The following DGKB variants were observed in gnomAD, a reference collection of about 807,000 sequenced individuals.
The protein encoded by DGKB is 90 kDa diacylglycerol kinase.
DGKB carries 67 observed loss-of-function variants against 114.3 expected under a neutral mutation model. The observed-to-expected ratio is 0.59, with a 90% CI of 0.48 to 0.72. DGKB has a LOEUF of 0.72. Ranked by LOEUF, DGKB falls within the 30% of genes least tolerant of loss-of-function variation. DGKB has a pLI of 0.00. For synonymous variants in DGKB, 398 were observed against 323.1 expected, an observed-to-expected ratio of 1.23 and a Z score of -2.49; for missense variants, 907 against 975.2, an observed-to-expected ratio of 0.93 and a Z score of 0.93.
At chr7:14,870,345 T>C (rs1374683608) in intron 1 of DGKB, among the ~76,000 whole-genome samples, 1 of 152,216 alleles carries the variant, frequency 6.6e-6, no homozygotes, top group Non-Finnish European at 1.5e-5. Flanking sequence ...AGTAAACACA[T>C]AATTAATGAG....
upstream of DGKB, among the ~76,000 whole-genome samples, chr7:14,905,646 A>C (rs143502695): frequency 3.3e-5 from 5 of 152,296 alleles, no homozygotes; most frequent in African/African-American, 1.2e-4. Flanking sequence ...TTCATCATCA[A>C]AACAAGTATT....
At chr7:14,926,584 AT>A (rs761090244) in intron 1 of DGKB, among the ~76,000 whole-genome samples, 36 of 149,318 alleles carry the variant, frequency 2.4e-4, no homozygotes, top group African/African-American at 8.1e-4. Flanking sequence ...ATATTTCAAG[AT>A]TTTTTTTATG....
chr7:14,925,706 T>C (rs139865921), intron 1 of DGKB, among the ~76,000 whole-genome samples: 5 of 152,296 alleles, frequency 3.3e-5, no homozygotes, highest in Admixed American at 6.5e-5. Flanking sequence ...TGTTCATAAT[T>C]AGTATATACA....
chr7:14,860,928 TAAAGA>T (rs1850888351), intron 1 of DGKB, among the ~76,000 whole-genome samples: 1 of 151,984 alleles, frequency 6.6e-6, no homozygotes, highest in African/African-American at 2.4e-5. Flanking sequence ...TTCTGAGAAT[TAAAGA>T]AGACACAATG....
intron 4 of DGKB, among the ~76,000 whole-genome samples, chr7:14,746,227 G>C (rs766225772): frequency 2.0e-5 from 3 of 152,070 alleles, no homozygotes; most frequent in African/African-American, 7.2e-5. Context: ...ACAGCTACTT[G>C]GGTGGTTGAG....
intron 23 of DGKB, among the ~76,000 whole-genome samples, chr7:14,194,530 T>C (rs1163165757): frequency 6.6e-6 from 1 of 152,074 alleles, no homozygotes; most frequent in Non-Finnish European, 1.5e-5. Flanking sequence ...AAGATAAGAA[T>C]CTGGTACATA....
intron 23 of DGKB, among the ~76,000 whole-genome samples, chr7:14,210,108 G>T (rs1787515993): frequency 6.6e-6 from 1 of 152,046 alleles, no homozygotes; most frequent in African/African-American, 2.4e-5. Context: ...CACCTCCAGT[G>T]CCAGGTGCAA....
intron 21 of DGKB, among the ~76,000 whole-genome samples, chr7:14,461,068 A>G (rs1045133042): frequency 6.6e-6 from 1 of 152,192 alleles, no homozygotes; most frequent in Non-Finnish European, 1.5e-5. Flanking sequence ...CAAAGACACA[A>G]TGTACCAGAA....
intron 21 of DGKB, among the ~76,000 whole-genome samples, chr7:14,384,606 T>C (rs574235279): frequency 2.0e-5 from 3 of 152,334 alleles, no homozygotes; most frequent in African/African-American, 7.2e-5. Flanking sequence ...AGTTGCTTAA[T>C]AGTTACTTAA....
intron 25 of DGKB, among the ~76,000 whole-genome samples, chr7:14,161,954 C>G (rs1205661664): frequency 6.6e-6 from 1 of 152,070 alleles, no homozygotes; most frequent in Non-Finnish European, 1.5e-5. Flanking sequence ...ACTTTAAGTT[C>G]AAATTTTTAT....
intron 20 of DGKB, among the ~76,000 whole-genome samples, chr7:14,480,003 G>T (rs374595784): frequency 6.6e-6 from 1 of 152,006 alleles, no homozygotes. Flanking sequence ...TTTCTGCTAA[G>T]TTGGGGAGAC....
In DGKB at chr7:14,326,123, G is replaced by T. The variant is rs1808672754; in HGVS notation, c.2122+12392C>A. Reference sequence around the variant, plus strand: ...TTGTATTCATGTGCTTATAGTCTAGGAAACTAAAAACTAAAACCTGTGTGT... The same window carrying T: ...TTGTATTCATGTGCTTATAGTCTAGTAAACTAAAAACTAAAACCTGTGTGT... On this transcript the variant is annotated intron_variant, in intron 23 of 25. Coordinates refer to ENST00000402815, the MANE Select transcript of DGKB (RefSeq NM_001350709.2). 3.3e-5 allele frequency among the ~76,000 whole-genome samples: 5 copies of T among 150,624 alleles called. No homozygotes were observed. The South Asian group carries it at 6.3e-4, about 19-fold the overall frequency.
intron 20 of DGKB, among the ~76,000 whole-genome samples, chr7:14,509,635 T>C (rs1420067409): frequency 2.6e-5 from 4 of 152,220 alleles, no homozygotes; most frequent in Admixed American, 2.0e-4. Context: ...CCCCCTCTCA[T>C]CTGCCCTAAG....
At chr7:14,757,172 G>A (rs1834997760) in intron 3 of DGKB, among the ~76,000 whole-genome samples, 1 of 151,970 alleles carries the variant, frequency 6.6e-6, no homozygotes, top group Non-Finnish European at 1.5e-5. Flanking sequence ...TTTGGTCAAG[G>A]AAATAATTGC....
At chr7:14,707,142 C>T (rs1229812839) in intron 6 of DGKB, among the ~76,000 whole-genome samples, 25 of 129,840 alleles carry the variant, frequency 1.9e-4, no homozygotes, top group African/African-American at 3.6e-4. Flanking sequence ...GATATCACCA[C>T]CGATTCCACA....
chr7:14,435,999 T>G (rs1028620094), intron 21 of DGKB, among the ~76,000 whole-genome samples: 1 of 152,042 alleles, frequency 6.6e-6, no homozygotes, highest in African/African-American at 2.4e-5. Flanking sequence ...TTATCAGTCT[T>G]TTTGGCACAA....
At chr7:14,535,995 G>T (rs1219298103) in intron 20 of DGKB, among the ~76,000 whole-genome samples, 1 of 151,966 alleles carries the variant, frequency 6.6e-6, no homozygotes, top group East Asian at 1.9e-4. Flanking sequence ...CAACGCCACA[G>T]AAATAAAAAT....
intron 13 of DGKB, among the ~76,000 whole-genome samples, chr7:14,632,485 A>C (rs539291641): frequency 1.1e-3 from 169 of 151,930 alleles, no homozygotes; most frequent in African/African-American, 4.0e-3. Context: ...TATATGTGGA[A>C]AATATATTGG....
intron 23 of DGKB, among the ~76,000 whole-genome samples, chr7:14,250,503 G>T (rs1429332020): frequency 6.6e-6 from 1 of 151,942 alleles, no homozygotes. Flanking sequence ...TGCCATTTCG[G>T]TCAGAAAATA....
Sources: gnomAD v4.1 joint callset for allele counts (sites outside exome capture counted in the v4.1 genomes callset) on GRCh38, gnomAD v4.1.1 for gene constraint, MANE v1.5 for transcripts, NCBI Gene and HGNC (gene_info 2026-07-23, HGNC 2026-07-21) for gene names.